CEP78: variants seen among roughly 807,000 people sequenced by gnomAD.
CEP78 encodes centrosomal protein 78.
In CEP78, 76 loss-of-function variants were observed where a neutral mutation model predicts 81.2. The ratio of observed to expected loss-of-function variants is 0.94; its 90% CI spans 0.78 to 1.13. The LOEUF (loss-of-function observed/expected upper bound fraction) is 1.13. CEP78 is among the 50% of genes most tolerant of loss of function. The pLI is 0.00. For synonymous variants in CEP78, 293 were observed against 301.4 expected (o/e 0.97, Z 0.29); for missense variants, 918 against 846.8 (o/e 1.08, Z -1.04).
At chr9:78,259,815 C>T (rs1207992614) in intron 11 of CEP78, among the ~76,000 whole-genome samples, 2 of 152,060 alleles carry the variant, frequency 1.3e-5, no homozygotes, top group African/African-American at 4.8e-5. Flanking sequence ...CAAAAAATAA[C>T]CTAAAAGAGA....
At chr9:78,249,028 T>A (rs1384925463) in intron 8 of CEP78, 155 bp downstream of exon 8, 3 of 339,024 alleles carry the variant, frequency 8.8e-6, no homozygotes, top group Non-Finnish European at 1.6e-5. Flanking sequence ...TATGAGAATT[T>A]ATGGAATGTA....
At chr9:78,237,979 G>A (rs938958479) in intron 1 of CEP78, among the ~76,000 whole-genome samples, 4 of 113,174 alleles carry the variant, frequency 3.5e-5, no homozygotes, top group African/African-American at 1.3e-4. Context: ...AAAAAAATTA[G>A]CCGGGCGTGG....
chr9:78,268,490 C>G (rs145997465), intron 16 of CEP78, among the ~76,000 whole-genome samples: 70 of 152,208 alleles, frequency 4.6e-4, no homozygotes, highest in African/African-American at 1.6e-3. Flanking sequence ...CTCAGGCTTG[C>G]ATTTTAGATC....
chr9:78,250,330 A>G, intron 8 of CEP78: 3 of 398,090 alleles, frequency 7.5e-6, no homozygotes, highest in East Asian at 3.6e-5. Context: ...GGGTTATATA[A>G]TTTATGTAAA....
intron 9 of CEP78, 118 bp from the exon 10 acceptor site, chr9:78,253,114 A>G: frequency 1.6e-6 from 1 of 614,048 alleles, no homozygotes; most frequent in Middle Eastern, 4.4e-4. Context: ...GAAGTGATTT[A>G]TCTCTATGCA....
intron 11 of CEP78, among the ~76,000 whole-genome samples, chr9:78,261,427 G>A (rs1203723549): frequency 6.6e-6 from 1 of 152,114 alleles, no homozygotes; most frequent in African/African-American, 2.4e-5. Flanking sequence ...CTGTCAGGGA[G>A]GAAAATTACT....
Position 78,246,682 on chromosome 9 carries a change from A to C in CEP78, c.792A>C (p.Gln264His). 6.2e-7 allele frequency: 1 copy of C among 1,600,660 alleles called. No individual in the cohort carries two copies. The highest frequency in any genetic ancestry group is 8.5e-7 in the Non-Finnish European group (1 of 1,174,622). The change falls in exon 6 of 17, where the codon CAA (glutamine) becomes CAC (histidine). Residue 264 changes from glutamine to histidine, a missense_variant. Physicochemically the swap from Gln to His is conservative, Grantham distance 24. Transcript: ENST00000643273. The stretch of plus-strand genomic sequence containing the variant: ...TTTCATCGAAAGCTCTTGACCTGCA[A>C]CAGTGCGGCCTCACCAATGAAGGAG... ...EDLWLRALDL[Q>H]QCGLTNEGAK...
chr9:78,269,215 G>T (rs1827638585), intron 16 of CEP78, among the ~76,000 whole-genome samples: 1 of 152,206 alleles, frequency 6.6e-6, no homozygotes, highest in South Asian at 2.1e-4. Flanking sequence ...AATTAAATAA[G>T]ATTTGGTTAT....
intron 1 of CEP78, among the ~76,000 whole-genome samples, chr9:78,238,887 G>C (rs1826085972): frequency 6.6e-6 from 1 of 151,906 alleles, no homozygotes; most frequent in South Asian, 2.1e-4. Context: ...AAAAATATTA[G>C]CTGGGCTTGG....
chr9:78,270,219 A>T (rs1040532475), intron 16 of CEP78, among the ~76,000 whole-genome samples: 36 of 151,522 alleles, frequency 2.4e-4, no homozygotes, highest in African/African-American at 7.7e-4. Flanking sequence ...TTAACCATGG[A>T]TTTTTACAAG....
At position 78,271,981 on chromosome 9, in the gene CEP78, C is replaced by G. The variant is rs1827701656; in HGVS notation, c.*1130C>G. ...AGTGCAGTGGTACAATCTCAGCTCA[C>G]TGCAACCTCCTCGATCTCAGCTCAC... On this transcript the variant is annotated 3_prime_UTR_variant, in exon 17 of 17. Coordinates refer to ENST00000643273, the MANE Select transcript of CEP78 (RefSeq NM_001330691.3). 6.6e-6 allele frequency: 1 copy of G among 152,226 alleles called. No individual in the cohort carries two copies. 9.4% of individuals were successfully genotyped at this position (152,226 alleles called of 1,614,324 possible).
At chr9:78,261,328 G>A (rs1292285404) in intron 11 of CEP78, among the ~76,000 whole-genome samples, 3 of 152,170 alleles carry the variant, frequency 2.0e-5, no homozygotes, top group Non-Finnish European at 4.4e-5. Context: ...TTCAAGGGTT[G>A]TTGTACAGGA....
At chr9:78,247,074 A>G (rs1307075753) in intron 6 of CEP78, among the ~76,000 whole-genome samples, 1 of 152,158 alleles carries the variant, frequency 6.6e-6, no homozygotes, top group Non-Finnish European at 1.5e-5. Context: ...TATTTCATTC[A>G]TTTGTTGATT....
intron 8 of CEP78, among the ~76,000 whole-genome samples, chr9:78,250,744 GA>G (rs946534112): frequency 1.3e-4 from 19 of 148,986 alleles, no homozygotes; most frequent in Middle Eastern, 3.2e-3. Context: ...TGTCTCCAAA[GA>G]AAAAAAAAAT....
Position 78,236,574 on chromosome 9 carries a change from G to C in CEP78, c.224G>C (p.Ser75Thr). Residue 75 changes from serine (S) to threonine (T), a missense_variant, in exon 1 of 17, where the codon AGC becomes ACC. Ser to Thr is a moderately conservative substitution (Grantham distance 58). Coordinates refer to ENST00000643273, the MANE Select transcript of CEP78 (RefSeq NM_001330691.3). The stretch of plus-strand genomic sequence containing the variant: ...GACCTGCCCTTGGTCTCCATCAAGA[G>C]CTTCTTCCAGCCCTGGCTGGGGGAC... ...NKDLPLVSIK[S>T]FFQPWLGDTG... is the part of the protein sequence containing the mutation. 1.9e-6 allele frequency: 3 copies of C among 1,563,086 alleles called. No individual in the cohort carries two copies. The highest frequency in any genetic ancestry group is 1.9e-5 in the Admixed American group (1 of 52,572).
In CEP78 at chr9:78,248,352, A is replaced by G; in HGVS notation, c.954A>G (p.Ser318=). The change falls in exon 7 of 17, where the codon TCA becomes TCG. Residue 318 remains serine, a synonymous_variant. Transcript: ENST00000643273. ...KVLQNGRSAK[S]EYQWITSPSV... is the part of the protein sequence containing the mutation. ...TCCAGAATGGAAGGAGTGCCAAATC[A>G]GAGGTATATCATGTTTTATTTCTCC... 6.4e-7 allele frequency: 1 copy of G among 1,557,076 alleles called. No individual in the cohort carries two copies.
At chr9:78,236,683 T>A in intron 1 of CEP78, 80 bp downstream of exon 1, 1 of 1,483,084 alleles carries the variant, frequency 6.7e-7, no homozygotes, top group Admixed American at 2.6e-5. Flanking sequence ...ATTGTCGGGG[T>A]ATGTGTGCAA....
intron 14 of CEP78, 72 bp downstream of exon 14, chr9:78,265,615 A>C: frequency 7.3e-7 from 1 of 1,370,256 alleles, no homozygotes. Context: ...AGTCAGAGAG[A>C]AAAGAATAAT....
At chr9:78,261,408 G>T (rs1251851578) in intron 11 of CEP78, among the ~76,000 whole-genome samples, 1 of 152,172 alleles carries the variant, frequency 6.6e-6, no homozygotes, top group Non-Finnish European at 1.5e-5. Flanking sequence ...AAGGGAGAAA[G>T]GGGAGCAGCT....
Sources: allele counts gnomAD v4.1 joint callset (sites outside exome capture counted in the v4.1 genomes callset), GRCh38; gene constraint gnomAD v4.1.1; transcripts MANE v1.5; gene names NCBI Gene and HGNC (gene_info 2026-07-23, HGNC 2026-07-21).